The following C10orf67 variants were observed in gnomAD, a reference collection of about 807,000 sequenced individuals.
C10orf67 encodes chromosome 10 open reading frame 67, also known as uncharacterized protein C10orf67, mitochondrial.
C10orf67 carries 60 observed loss-of-function variants against 35.6 expected under a neutral mutation model. That is an observed-to-expected ratio of 1.68 (90% CI 1.37 to 2.09). The LOEUF is 2.09. Among genes scored for constraint, C10orf67 ranks in the 30% most tolerant of loss-of-function variants. The probability of loss-of-function intolerance (pLI) is 0.00; values close to 1 mark genes in which losing one functional copy is unlikely to be tolerated. For synonymous variants in C10orf67, 167 were observed against 115.8 expected, an observed-to-expected ratio of 1.44 and a Z score of -2.84; for missense variants, 474 against 330.2, an observed-to-expected ratio of 1.44 and a Z score of -3.38.
chr10:23,219,775 G>A (rs1841528446), intron 15 of C10orf67, among the ~76,000 whole-genome samples: 1 of 152,022 alleles, frequency 6.6e-6, no homozygotes, highest in African/African-American at 2.4e-5. Flanking sequence ...ATTATATTTT[G>A]TATTTTACTT....
chr10:23,333,555 T>C (rs925873687), intron 1 of C10orf67, among the ~76,000 whole-genome samples: 3 of 152,250 alleles, frequency 2.0e-5, no homozygotes, highest in Non-Finnish European at 2.9e-5. Context: ...TTTCAAAGTA[T>C]GGGCCGAGGA....
intron 10 of C10orf67, among the ~76,000 whole-genome samples, chr10:23,265,513 T>G (rs1426605983): frequency 6.6e-6 from 1 of 152,246 alleles, no homozygotes; most frequent in African/African-American, 2.4e-5. Flanking sequence ...TTGGGTTCTA[T>G]GCCTTCTAAA....
At chr10:23,244,770 C>T (rs1338711822) in intron 12 of C10orf67, among the ~76,000 whole-genome samples, 2 of 152,146 alleles carry the variant, frequency 1.3e-5, no homozygotes, top group Non-Finnish European at 2.9e-5. Flanking sequence ...GATGTCTATA[C>T]TACCCAAAGT....
At chr10:23,230,205 T>C (rs1343982284) in intron 13 of C10orf67, among the ~76,000 whole-genome samples, 2 of 152,130 alleles carry the variant, frequency 1.3e-5, no homozygotes, top group Admixed American at 6.6e-5. Flanking sequence ...GAATTATATA[T>C]CAAGGGAGAA....
chr10:23,231,953 G>A (rs1841924382), intron 13 of C10orf67, among the ~76,000 whole-genome samples: 1 of 151,300 alleles, frequency 6.6e-6, no homozygotes, highest in Admixed American at 6.6e-5. Context: ...TTAAAAACCG[G>A]CAAAATTCAA....
chr10:23,343,901 G>T (rs1363066247), intron 1 of C10orf67: 1 of 464,452 alleles, frequency 2.2e-6, no homozygotes, highest in East Asian at 7.3e-5. Flanking sequence ...TCTCCCGCTG[G>T]TCACCTGGGG....
At chr10:23,341,998 C>T (rs1047434282) in intron 1 of C10orf67, among the ~76,000 whole-genome samples, 4 of 151,982 alleles carry the variant, frequency 2.6e-5, no homozygotes, top group African/African-American at 7.3e-5. Context: ...ACAGCAAGAC[C>T]CTGTATTAAA....
At chr10:23,278,402 T>C (rs1307303757) in intron 8 of C10orf67, among the ~76,000 whole-genome samples, 1 of 152,222 alleles carries the variant, frequency 6.6e-6, no homozygotes, top group Non-Finnish European at 1.5e-5. Context: ...ATGCCATATA[T>C]AGTGTGGGTT....
intron 15 of C10orf67, among the ~76,000 whole-genome samples, chr10:23,207,856 CA>C (rs1350728002): frequency 6.6e-6 from 1 of 152,138 alleles, no homozygotes; most frequent in Admixed American, 6.5e-5. Context: ...GAAACGGCAC[CA>C]AATAGCTTTG....
chr10:23,297,015 G>A (rs1421825661), intron 5 of C10orf67, among the ~76,000 whole-genome samples: 1 of 152,234 alleles, frequency 6.6e-6, no homozygotes, highest in East Asian at 1.9e-4. Context: ...GCAGGCAAAA[G>A]TATTTTTCCT....
chr10:23,273,261 G>C (rs373599714), intron 8 of C10orf67, among the ~76,000 whole-genome samples: 1 of 152,140 alleles, frequency 6.6e-6, no homozygotes, highest in Non-Finnish European at 1.5e-5. Flanking sequence ...TCATATTTCT[G>C]ACTTCAGACT....
chr10:23,287,818 A>G (rs1843595510), intron 7 of C10orf67, among the ~76,000 whole-genome samples: 1 of 152,236 alleles, frequency 6.6e-6, no homozygotes. Flanking sequence ...AAGGATATGA[A>G]CAGACACTTC....
chr10:23,204,391 C>T (rs1434538002), intron 15 of C10orf67, 136 bp from the exon 16 acceptor site: 1 of 404,386 alleles, frequency 2.5e-6, no homozygotes, highest in Non-Finnish European at 4.4e-6. Context: ...AGCTGAGAGC[C>T]TCTTCAGGAA....
chr10:23,235,494 C>CA (rs1340002188), intron 13 of C10orf67, among the ~76,000 whole-genome samples: 2 of 151,976 alleles, frequency 1.3e-5, no homozygotes, highest in Non-Finnish European at 2.9e-5. Context: ...TAAAAATTGA[C>CA]AAAAATACAG....
At chr10:23,250,371 T>C (rs936352804) in intron 12 of C10orf67, 84 bp downstream of exon 12, 4 of 396,866 alleles carry the variant, frequency 1.0e-5, no homozygotes, top group African/African-American at 8.2e-5. Context: ...CATTAGTATG[T>C]AAAAAAATTG....
At position 23,291,257 on chromosome 10, in the gene C10orf67, C is replaced by T. The variant is rs1349113252; in HGVS notation, c.725G>A (p.Ser242Asn). The T allele has an allele frequency of 1.4e-6, 1 of 715,038 alleles. No homozygotes were observed. 44.3% of individuals were successfully genotyped at this position (715,038 alleles called of 1,614,324 possible). ...HKMESFAKET[S>N]SPKSNLEKEN... ...CTTTTCTAGGTTTGATTTTGGAGAGCTGGTTTCTTTGGCAAAAGATTCCTA... is the reference window on the plus strand; with the variant it reads ...CTTTTCTAGGTTTGATTTTGGAGAGTTGGTTTCTTTGGCAAAAGATTCCTA... The change falls in exon 6 of 16, where the codon AGC becomes AAC. Residue 242 changes from serine to asparagine, a missense_variant. Physicochemically the swap from Ser to Asn is conservative, Grantham distance 46. Transcript: ENST00000636213.
intron 13 of C10orf67, among the ~76,000 whole-genome samples, chr10:23,232,272 C>G (rs1425266071): frequency 3.3e-5 from 5 of 152,162 alleles, no homozygotes; most frequent in Admixed American, 3.3e-4. Context: ...AAAATAAACT[C>G]TTCTCTACTT....
chr10:23,297,230 C>CCCTTCCCTTTCCTTTCCTTT (rs1843909465), intron 5 of C10orf67, among the ~76,000 whole-genome samples: 3 of 145,604 alleles, frequency 2.1e-5, no homozygotes, highest in Non-Finnish European at 4.5e-5. Context: ...CTTTCTATTT[C>CCCTTCCCTTTCCTTTCCTTT]CCTTTCCTTT....
At position 23,333,077 on chromosome 10, in the gene C10orf67, C is replaced by T. The variant is rs140159381; in HGVS notation, c.312G>A (p.Thr104=). 1.1e-5 allele frequency: 18 copies of T among 1,611,798 alleles called. No individual in the cohort carries two copies. Among genetic ancestry groups the T allele is most frequent in the South Asian group, 6.6e-5 (6 of 90,606 alleles). ...ILSVKELSSS[T]QKLAQMMKSL... is the part of the protein sequence containing the mutation. ...TCAGATTTACCTGTGCTAACTTTTG[C>T]GTAGATGAACTCAATTCTTTTACTG... is the stretch of plus-strand genomic sequence containing the variant. The change falls in exon 2 of 16, where the codon ACG becomes ACA. Residue 104 remains threonine, a synonymous_variant. Coordinates refer to ENST00000636213, the MANE Select transcript of C10orf67 (RefSeq NM_001371909.1).
Sources: allele counts gnomAD v4.1 joint callset (sites outside exome capture counted in the v4.1 genomes callset), GRCh38; gene constraint gnomAD v4.1.1; transcripts MANE v1.5; gene names NCBI Gene and HGNC (gene_info 2026-07-23, HGNC 2026-07-21).